Variants in CLYBL observed in about 807,000 individuals in gnomAD.
The protein encoded by CLYBL is citramalyl-CoA lyase, mitochondrial.
CLYBL carries 31 observed loss-of-function variants against 38.9 expected under a neutral mutation model. The observed-to-expected ratio is 0.80, with a 90% CI of 0.60 to 1.08. The LOEUF (loss-of-function observed/expected upper bound fraction) is 1.08, where lower values mean the gene tolerates loss of function less well. Among genes scored for constraint, CLYBL ranks in the 50% least tolerant of loss-of-function variants. CLYBL has a pLI of 0.00. For synonymous variants in CLYBL, 171 were observed against 158.6 expected (o/e 1.08, Z -0.59); for missense variants, 434 against 411.6 (o/e 1.05, Z -0.47).
intron 6 of CLYBL, among the ~76,000 whole-genome samples, chr13:99,866,648 T>C (rs1282447001): frequency 6.6e-6 from 1 of 151,804 alleles, no homozygotes; most frequent in East Asian, 1.9e-4. Context: ...TTTTTTTTTT[T>C]TCTCTCCATC....
intron 1 of CLYBL, among the ~76,000 whole-genome samples, chr13:99,688,660 A>G (rs1165051066): frequency 6.6e-6 from 1 of 151,788 alleles, no homozygotes; most frequent in Non-Finnish European, 1.5e-5. Context: ...TGAACTGGAA[A>G]TGAGAGGGTG....
At chr13:99,777,350 C>G (rs1176116825) in intron 2 of CLYBL, among the ~76,000 whole-genome samples, 2 of 152,302 alleles carry the variant, frequency 1.3e-5, no homozygotes, top group South Asian at 4.1e-4. Context: ...AATACCTCCA[C>G]CTAACCAGCA....
rs1290706508 is a variant in CLYBL, at chr13:99,702,573, A to G, written c.63-70251A>G. ...CTTGAACCTGGGAGGCGGAGGTTGC[A>G]GTGAGCTGAGATCACACCATGGCAC... On this transcript the variant is annotated intron_variant, in intron 1 of 8. Coordinates refer to ENST00000339105, the MANE Select transcript of CLYBL (RefSeq NM_206808.5). Among the ~76,000 whole-genome samples, 4 of 150,790 alleles carry G rather than the reference A, an allele frequency of 2.7e-5. No individual in the cohort carries two copies. In the East Asian group the frequency reaches 7.9e-4, roughly 30 times the overall value.
intron 1 of CLYBL, among the ~76,000 whole-genome samples, chr13:99,652,746 G>A (rs2047273223): frequency 1.3e-5 from 2 of 152,178 alleles, no homozygotes; most frequent in South Asian, 2.1e-4. Context: ...CCATACTCAG[G>A]GAGAAGCCAC....
intron 1 of CLYBL, among the ~76,000 whole-genome samples, chr13:99,636,384 C>G (rs916272084): frequency 2.6e-5 from 4 of 152,216 alleles, no homozygotes; most frequent in African/African-American, 9.6e-5. Context: ...CACCTGTTAG[C>G]TCCTGATGCT....
At chr13:99,897,668 G>A (rs1185866246), downstream of CLYBL, among the ~76,000 whole-genome samples, 4 of 152,072 alleles carry the variant, frequency 2.6e-5, no homozygotes, top group Non-Finnish European at 5.9e-5. Context: ...AAACTGGGTC[G>A]GGTGCAGTGA....
At chr13:99,898,262 A>C (rs1461212967), downstream of CLYBL, among the ~76,000 whole-genome samples, 1 of 152,204 alleles carries the variant, frequency 6.6e-6, no homozygotes, top group African/African-American at 2.4e-5. Flanking sequence ...CACTAATAGA[A>C]TCAAGAGAAA....
intron 1 of CLYBL, among the ~76,000 whole-genome samples, chr13:99,708,904 C>A (rs1366369435): frequency 6.6e-6 from 1 of 151,962 alleles, no homozygotes; most frequent in African/African-American, 2.4e-5. Flanking sequence ...ATCAGCCTGG[C>A]CAATATGGTG....
Position 99,792,099 on chromosome 13 carries a change from A to G in CLYBL, c.249+19089A>G, listed in dbSNP as rs141004362. 1.2e-3 allele frequency among the ~76,000 whole-genome samples: 190 copies of G among 152,356 alleles called. 1 individual carries two copies. The East Asian group carries it at 0.026, about 21-fold the overall frequency. On this transcript the variant is annotated intron_variant, in intron 2 of 8. Transcript: ENST00000339105. ...TTTTTTTTCCCTCCAGAAGCCAGAG[A>G]GAAAAATAAGTCATTTTATTGAACT... is the stretch of plus-strand genomic sequence containing the variant.
intron 1 of CLYBL, among the ~76,000 whole-genome samples, chr13:99,608,645 T>TG (rs1303086435): frequency 1.3e-5 from 2 of 152,078 alleles, no homozygotes; most frequent in South Asian, 4.2e-4. Flanking sequence ...GCCAGTACGC[T>TG]GGGGGTTAAC....
chr13:99,657,556 T>G (rs1484928467), intron 1 of CLYBL, among the ~76,000 whole-genome samples: 1 of 152,220 alleles, frequency 6.6e-6, no homozygotes, highest in African/African-American at 2.4e-5. Context: ...CTCTTTTCTT[T>G]TAAAAAGGCA....
At chr13:99,709,902 CTTTTTTTTTTTTCTTTCTTTCT>C (rs1196635565) in intron 1 of CLYBL, among the ~76,000 whole-genome samples, 40 of 139,108 alleles carry the variant, frequency 2.9e-4, no homozygotes, top group Non-Finnish European at 4.3e-4. Context: ...TCGCCCCTAC[CTTTTTTTTTTTTCTTTCTTTCT>C]TTTTTTTTTT....
intron 1 of CLYBL, among the ~76,000 whole-genome samples, chr13:99,680,394 T>A (rs2047718097): frequency 6.6e-6 from 1 of 152,238 alleles, no homozygotes; most frequent in South Asian, 2.1e-4. Flanking sequence ...TGAGATGGCA[T>A]TCATAAGGTT....
chr13:99,801,790 G>A (rs1355559340), intron 2 of CLYBL, among the ~76,000 whole-genome samples: 1 of 152,206 alleles, frequency 6.6e-6, no homozygotes, highest in East Asian at 1.9e-4. Context: ...GCCGAGGCAG[G>A]CGGATCACCT....
intron 1 of CLYBL, among the ~76,000 whole-genome samples, chr13:99,754,592 T>TG (rs1034396891): frequency 2.7e-5 from 4 of 148,680 alleles, no homozygotes; most frequent in African/African-American, 9.8e-5. Flanking sequence ...TTGTTGTTGT[T>TG]TTTTTTTTTG....
intron 1 of CLYBL, among the ~76,000 whole-genome samples, chr13:99,749,179 CAAA>C (rs986504755): frequency 1.7e-5 from 2 of 116,474 alleles, no homozygotes. Flanking sequence ...GACTCTGTCT[CAAA>C]AAAAAAAAAA....
chr13:99,814,212 C>T (rs1053874005), intron 2 of CLYBL, among the ~76,000 whole-genome samples: 7 of 152,134 alleles, frequency 4.6e-5, no homozygotes, highest in East Asian at 1.9e-4. Flanking sequence ...TAAAGAATTC[C>T]GATACCTGCT....
At chr13:99,715,476 C>T (rs1159046154) in intron 1 of CLYBL, among the ~76,000 whole-genome samples, 2 of 149,234 alleles carry the variant, frequency 1.3e-5, no homozygotes, top group Non-Finnish European at 3.0e-5. Context: ...GATCTCAACT[C>T]ACTGCAGCCT....
Position 99,702,108 on chromosome 13 carries a change from ATT to A in CLYBL, c.63-70711_63-70710del, listed in dbSNP as rs548091232. ...AGGCATTGTTTTCATCACACCTTTT[ATT>A]TTTTGTTTTGTTTTTTAGGGACAGA... On this transcript the variant is annotated intron_variant, in intron 1 of 8. Coordinates refer to ENST00000339105, the MANE Select transcript of CLYBL (RefSeq NM_206808.5). Among the ~76,000 whole-genome samples the A allele has an allele frequency of 6.6e-5, 10 of 152,022 alleles. No individual in the cohort carries two copies. In the South Asian group the frequency reaches 2.1e-3, roughly 32 times the overall value.
Sources: gnomAD v4.1 joint callset for allele counts (sites outside exome capture counted in the v4.1 genomes callset) on GRCh38, gnomAD v4.1.1 for gene constraint, MANE v1.5 for transcripts, NCBI Gene and HGNC (gene_info 2026-07-23, HGNC 2026-07-21) for gene names.